The following STAU2 variants were observed in gnomAD, a reference collection of about 807,000 sequenced individuals.
The protein encoded by STAU2 is double-stranded RNA-binding protein Staufen homolog 2.
In STAU2, 20 loss-of-function variants were observed where a neutral mutation model predicts 65.9. The ratio of observed to expected loss-of-function variants is 0.30; its 90% CI spans 0.21 to 0.44. The LOEUF (loss-of-function observed/expected upper bound fraction) is 0.44, where lower values mean the gene tolerates loss of function less well. Ranked by LOEUF, STAU2 falls within the 20% of genes least tolerant of loss-of-function variation. The pLI is 1.00. For synonymous variants in STAU2, 232 were observed against 233.9 expected, an observed-to-expected ratio of 0.99 and a Z score of 0.07; for missense variants, 558 against 683.9, an observed-to-expected ratio of 0.82 and a Z score of 2.05.
chr8:73,543,437 C>T (rs987144209), intron 13 of STAU2, among the ~76,000 whole-genome samples: 1 of 152,188 alleles, frequency 6.6e-6, no homozygotes, highest in African/African-American at 2.4e-5. Context: ...TTGATTAAAA[C>T]ACTTAAGTGT....
intron 13 of STAU2, among the ~76,000 whole-genome samples, chr8:73,467,988 C>T (rs1329816009): frequency 6.6e-6 from 1 of 152,174 alleles, no homozygotes; most frequent in Non-Finnish European, 1.5e-5. Flanking sequence ...AAAGAGCCCA[C>T]ATTGCCAAGT....
At chr8:73,614,881 C>T (rs2129855562) in intron 8 of STAU2, among the ~76,000 whole-genome samples, 1 of 152,232 alleles carries the variant, frequency 6.6e-6, no homozygotes, top group African/African-American at 2.4e-5. Context: ...CATTTTGCTG[C>T]TTTTAACAAG....
At position 73,595,329 on chromosome 8, in the gene STAU2, T is replaced by G. The variant is rs755911468; in HGVS notation, c.1030-32A>C. ...AGATTAAAGAAATAAATTAAAGAAA[T>G]ACATTTATGATAAATTTAAACAGGA... On this transcript the variant is annotated intron_variant, in intron 10 of 14. Transcript: ENST00000524300. The G allele has an allele frequency of 2.6e-6, 4 of 1,549,120 alleles. No homozygotes were observed. The African/African-American group carries it at 4.2e-5, about 16-fold the overall frequency.
intron 13 of STAU2, among the ~76,000 whole-genome samples, chr8:73,430,951 G>C (rs1039562490): frequency 3.3e-5 from 5 of 152,208 alleles, no homozygotes; most frequent in African/African-American, 1.2e-4. Flanking sequence ...TATTTACTGA[G>C]TGGGTAAATT....
At chr8:73,605,385 A>T (rs1230289930) in intron 9 of STAU2, among the ~76,000 whole-genome samples, 3 of 146,844 alleles carry the variant, frequency 2.0e-5, no homozygotes, top group African/African-American at 7.6e-5. Context: ...CTCAGCTAAC[A>T]GCAACCTCTG....
chr8:73,602,990 T>C (rs1255138941), intron 10 of STAU2, among the ~76,000 whole-genome samples: 1 of 152,040 alleles, frequency 6.6e-6, no homozygotes, highest in African/African-American at 2.4e-5. Flanking sequence ...GTGGCAAAAA[T>C]CTTAATAACT....
chr8:73,590,100 G>A (rs1244345845), intron 11 of STAU2, among the ~76,000 whole-genome samples: 1 of 149,004 alleles, frequency 6.7e-6, no homozygotes. Context: ...GGGGGAGAAG[G>A]AAGTAGGAGG....
In STAU2 at chr8:73,678,779, GTTTT is replaced by G. The variant is rs372451667; in HGVS notation, c.275-5541_275-5538del. Among the ~76,000 whole-genome samples, 396 of 152,114 alleles carry G rather than the reference GTTTT, an allele frequency of 2.6e-3. 3 individuals are homozygous for G. The South Asian group carries it at 0.042, about 16-fold the overall frequency. On this transcript the variant is annotated intron_variant, in intron 5 of 14. Transcript: ENST00000524300. ...AGGAACTTCAAAATGAAGAGAATAAGTTTTTTTTCTATTGTAATAATATTTTGGC... is the reference window on the plus strand; with the variant it reads ...AGGAACTTCAAAATGAAGAGAATAAGTTTTCTATTGTAATAATATTTTGGC...
chr8:73,550,293 G>C, intron 13 of STAU2: 2 of 984,324 alleles, frequency 2.0e-6, no homozygotes, highest in Non-Finnish European at 2.4e-6. Flanking sequence ...GCAATAATGA[G>C]GGAAGCAGAC....
intron 13 of STAU2, among the ~76,000 whole-genome samples, chr8:73,503,192 T>C (rs559206892): frequency 6.6e-6 from 1 of 152,260 alleles, no homozygotes; most frequent in South Asian, 2.1e-4. Context: ...ACACGCTGCA[T>C]AGCACAGTGT....
At chr8:73,554,825 A>G (rs965520658) in intron 12 of STAU2, among the ~76,000 whole-genome samples, 21 of 152,218 alleles carry the variant, frequency 1.4e-4, no homozygotes, top group African/African-American at 4.8e-4. Flanking sequence ...GAAGCCCTTA[A>G]TAATCTGGCT....
At chr8:73,490,133 C>T (rs1821088878) in intron 13 of STAU2, among the ~76,000 whole-genome samples, 1 of 152,004 alleles carries the variant, frequency 6.6e-6, no homozygotes, top group Non-Finnish European at 1.5e-5. Flanking sequence ...ATTGTGCCAT[C>T]ACTTTGTTTT....
At chr8:73,503,169 A>G (rs534249307) in intron 13 of STAU2, among the ~76,000 whole-genome samples, 1 of 152,266 alleles carries the variant, frequency 6.6e-6, no homozygotes, top group East Asian at 1.9e-4. Context: ...GTGCCCTCAT[A>G]GCTGTGGAAA....
At chr8:73,533,441 A>C (rs909657476) in intron 13 of STAU2, among the ~76,000 whole-genome samples, 3 of 152,176 alleles carry the variant, frequency 2.0e-5, no homozygotes, top group African/African-American at 7.2e-5. Context: ...ACTATACTTG[A>C]GATGGTATAC....
intron 3 of STAU2, among the ~76,000 whole-genome samples, chr8:73,730,104 A>G (rs933664065): frequency 1.3e-5 from 2 of 152,022 alleles, no homozygotes; most frequent in Non-Finnish European, 2.9e-5. Flanking sequence ...TAAAATGTAA[A>G]GTAAGATTAT....
intron 13 of STAU2, among the ~76,000 whole-genome samples, chr8:73,493,481 A>C (rs1482207085): frequency 6.6e-6 from 1 of 151,810 alleles, no homozygotes; most frequent in Non-Finnish European, 1.5e-5. Flanking sequence ...AAATTTGAAT[A>C]GACTCTTCAC....
intron 13 of STAU2, among the ~76,000 whole-genome samples, chr8:73,483,520 A>C (rs2128911657): frequency 9.1e-6 from 1 of 110,040 alleles, no homozygotes; most frequent in East Asian, 2.3e-4. Context: ...TATTACCTTA[A>C]CATTTAAGCA....
chr8:73,680,283 T>G (rs1818341524), intron 5 of STAU2, among the ~76,000 whole-genome samples: 1 of 152,022 alleles, frequency 6.6e-6, no homozygotes, highest in Admixed American at 6.6e-5. Flanking sequence ...ACTTCTAGCC[T>G]AGGGCAAATG....
At chr8:73,538,490 G>T (rs1477130735) in intron 13 of STAU2, among the ~76,000 whole-genome samples, 1 of 152,032 alleles carries the variant, frequency 6.6e-6, no homozygotes, top group Non-Finnish European at 1.5e-5. Context: ...AAGGGAATCT[G>T]TGGGGACTAA....
Sources: allele counts gnomAD v4.1 joint callset (sites outside exome capture counted in the v4.1 genomes callset), GRCh38; gene constraint gnomAD v4.1.1; transcripts MANE v1.5; gene names NCBI Gene and HGNC (gene_info 2026-07-23, HGNC 2026-07-21).